The following PSD3 variants were observed in gnomAD, a reference collection of about 807,000 sequenced individuals.
The protein encoded by PSD3 is PH and SEC7 domain-containing protein 3.
In PSD3, 49 loss-of-function variants were observed where a neutral mutation model predicts 105.5. The ratio of observed to expected loss-of-function variants is 0.46; its 90% CI spans 0.37 to 0.59. PSD3 has a LOEUF of 0.59. Ranked by LOEUF, PSD3 falls within the 20% of genes least tolerant of loss-of-function variation. The pLI is 0.00. For missense variants in PSD3, 1,561 were observed against 1,263.8 expected (o/e 1.24, Z -3.57); for synonymous variants, 557 against 457.8 (o/e 1.22, Z -2.77).
At chr8:18,664,141 C>A (rs1188559511) in intron 9 of PSD3, among the ~76,000 whole-genome samples, 1 of 152,076 alleles carries the variant, frequency 6.6e-6, no homozygotes, top group African/African-American at 2.4e-5. Flanking sequence ...TCTAACTGTT[C>A]AAGTAAAAGG....
chr8:18,745,511 T>C (rs1419149073), intron 9 of PSD3, among the ~76,000 whole-genome samples: 1 of 152,198 alleles, frequency 6.6e-6, no homozygotes, highest in African/African-American at 2.4e-5. Context: ...CCCTCTTCTT[T>C]TGAGCACTTA....
intron 8 of PSD3, among the ~76,000 whole-genome samples, chr8:18,796,468 A>G (rs1052424635): frequency 1.3e-5 from 2 of 152,204 alleles, no homozygotes; most frequent in Admixed American, 1.3e-4. Flanking sequence ...TTGAAGGGGA[A>G]AGTTAGAAAA....
intron 4 of PSD3, among the ~76,000 whole-genome samples, chr8:18,822,095 G>C (rs1278519151): frequency 6.6e-6 from 1 of 151,966 alleles, no homozygotes; most frequent in Non-Finnish European, 1.5e-5. Flanking sequence ...ATAATTTTTT[G>C]TTTACTTCCT....
intron 9 of PSD3, among the ~76,000 whole-genome samples, chr8:18,710,066 T>G (rs1219212725): frequency 6.6e-6 from 1 of 152,194 alleles, no homozygotes; most frequent in Non-Finnish European, 1.5e-5. Context: ...GAGTGGGTTC[T>G]AACCCAATTC....
intron 1 of PSD3, chr8:18,940,320 G>C (rs2129469346): frequency 6.6e-6 from 1 of 152,300 alleles, no homozygotes; most frequent in East Asian, 1.9e-4. Flanking sequence ...AGCAGGTTAA[G>C]GTGGGGCCTG....
chr8:19,084,592 C>A, exon 1 of PSD3: 1 of 356,600 alleles, frequency 2.8e-6, no homozygotes, highest in South Asian at 2.1e-5. Flanking sequence ...GTCTTGGAGG[C>A]AGGGGCCTGG....
intron 9 of PSD3, among the ~76,000 whole-genome samples, chr8:18,694,399 A>C (rs1411420277): frequency 6.6e-6 from 1 of 152,256 alleles, no homozygotes; most frequent in Non-Finnish European, 1.5e-5. Flanking sequence ...TCACAAGGTC[A>C]GCAGATCGAG....
intron 1 of PSD3, among the ~76,000 whole-genome samples, chr8:19,069,137 T>A (rs986218755): frequency 5.9e-4 from 90 of 152,242 alleles, no homozygotes; most frequent in Non-Finnish European, 8.8e-4. Context: ...ATTATTTACT[T>A]TCAGCAGCGT....
At chr8:18,681,820 T>A (rs965585726) in intron 9 of PSD3, among the ~76,000 whole-genome samples, 2 of 152,096 alleles carry the variant, frequency 1.3e-5, no homozygotes, top group African/African-American at 4.8e-5. Flanking sequence ...TTGTGAGATA[T>A]TGGGAGCTTG....
At chr8:18,675,459 C>T (rs1490010694) in intron 9 of PSD3, among the ~76,000 whole-genome samples, 1 of 152,182 alleles carries the variant, frequency 6.6e-6, no homozygotes, top group Non-Finnish European at 1.5e-5. Flanking sequence ...AACGAGTACA[C>T]TAGTGTTTCC....
intron 1 of PSD3, among the ~76,000 whole-genome samples, chr8:19,046,979 A>C (rs1828341348): frequency 6.6e-6 from 1 of 152,230 alleles, no homozygotes; most frequent in African/African-American, 2.4e-5. Context: ...GTTAGGGGTT[A>C]AATCTTAGGG....
At chr8:18,669,454 G>T (rs1799658624) in intron 9 of PSD3, among the ~76,000 whole-genome samples, 1 of 152,210 alleles carries the variant, frequency 6.6e-6, no homozygotes, top group East Asian at 1.9e-4. Context: ...CACTACTCTT[G>T]CACTTTGCAG....
intron 1 of PSD3, among the ~76,000 whole-genome samples, chr8:19,034,768 T>C (rs1827887732): frequency 6.6e-6 from 1 of 152,154 alleles, no homozygotes; most frequent in African/African-American, 2.4e-5. Context: ...CTTGCCTCCC[T>C]GTAGCTTCCA....
intron 4 of PSD3, among the ~76,000 whole-genome samples, chr8:18,818,969 T>A (rs1053520991): frequency 2.6e-5 from 4 of 152,094 alleles, no homozygotes; most frequent in Non-Finnish European, 1.5e-5. Context: ...GCCTGTTACA[T>A]CAGAGACCCT....
At chr8:18,591,754 C>A (rs1291763588) in intron 12 of PSD3, among the ~76,000 whole-genome samples, 1 of 152,144 alleles carries the variant, frequency 6.6e-6, no homozygotes, top group South Asian at 2.1e-4. Context: ...ATCTGACTCT[C>A]CTGATTCAGG....
At chr8:18,840,618 G>A (rs1220023348) in intron 4 of PSD3, among the ~76,000 whole-genome samples, 2 of 152,196 alleles carry the variant, frequency 1.3e-5, no homozygotes, top group East Asian at 3.9e-4. Context: ...CCTGGCAGAT[G>A]AGGAAAACAA....
chr8:18,969,324 A>G (rs1824489108), intron 1 of PSD3, among the ~76,000 whole-genome samples: 1 of 152,196 alleles, frequency 6.6e-6, no homozygotes, highest in Admixed American at 6.5e-5. Context: ...AAACCTGAAA[A>G]TAAGACATCT....
upstream of PSD3, chr8:19,014,319 G>A (rs1827104214): frequency 6.6e-6 from 1 of 152,230 alleles, no homozygotes; most frequent in African/African-American, 2.4e-5. The surrounding 1 kb of genome is among the most constrained non-coding windows in gnomAD (Gnocchi z 4.9). Flanking sequence ...AGCCCTGAAA[G>A]GGCCATTTCC....
chr8:19,034,544 T>A (rs1827880397), intron 1 of PSD3, among the ~76,000 whole-genome samples: 1 of 152,146 alleles, frequency 6.6e-6, no homozygotes, highest in Non-Finnish European at 1.5e-5. Flanking sequence ...TACTATCCCA[T>A]AAAGAGCTGA....
Sources: gnomAD v4.1 joint callset for allele counts (sites outside exome capture counted in the v4.1 genomes callset) on GRCh38, gnomAD v4.1.1 for gene constraint, Gnocchi (gnomAD v3.1) non-coding constraint, MANE v1.5 for transcripts, NCBI Gene and HGNC (gene_info 2026-07-23, HGNC 2026-07-21) for gene names.